Variants in DLG1 observed in about 807,000 individuals in gnomAD.
The protein encoded by DLG1 is discs large MAGUK scaffold protein 1.
In DLG1, 42 loss-of-function variants were observed where a neutral mutation model predicts 123.4. The ratio of observed to expected loss-of-function variants is 0.34; its 90% CI spans 0.27 to 0.44. The LOEUF (loss-of-function observed/expected upper bound fraction) is 0.44. Ranked by LOEUF, DLG1 falls within the 20% of genes least tolerant of loss-of-function variation. The pLI, the probability that DLG1 is intolerant of heterozygous loss-of-function variation, is 1.00. For synonymous variants in DLG1, 317 were observed against 356.2 expected, an observed-to-expected ratio of 0.89 and a Z score of 1.24; for missense variants, 942 against 1,082.6, an observed-to-expected ratio of 0.87 and a Z score of 1.82.
chr3:197,063,809 T>TCCA (rs1352730282), intron 22 of DLG1, among the ~76,000 whole-genome samples: 1 of 152,200 alleles, frequency 6.6e-6, no homozygotes, highest in African/African-American at 2.4e-5. Flanking sequence ...AGTACCAGTT[T>TCCA]GCATTTCCAC....
intron 4 of DLG1, among the ~76,000 whole-genome samples, chr3:197,229,454 T>TA (rs35520172): frequency 0.21 from 25,854 of 121,284 alleles, 2,740 homozygotes; most frequent in Admixed American, 0.24. Context: ...GCCTGTCTCT[T>TA]AAAAAAAAAA....
intron 14 of DLG1, among the ~76,000 whole-genome samples, chr3:197,097,824 C>T (rs974065690): frequency 6.7e-6 from 1 of 150,002 alleles, no homozygotes. Flanking sequence ...TTGTGAGTCG[C>T]CCACCTCAGC....
rs1342556359 is a variant in DLG1 at position 197,282,754 on chromosome 3, A to G, written c.243T>C (p.Thr81=). 1.2e-6 allele frequency: 2 copies of G among 1,612,622 alleles called. No homozygotes were observed. Among genetic ancestry groups the G allele is most frequent in the Admixed American group, 1.7e-5 (1 of 59,760 alleles). Residue 81 remains threonine (T), a synonymous_variant, in exon 4 of 25, where the codon ACT becomes ACC. Transcript: ENST00000667157. ...KPSEPIQPVN[T]WEISSLPSST... ...AGCTTGGAAGGCTGGAAATCTCCCAAGTATTCACAGGTTGAATTGGTTCAG... is the reference window on the plus strand; with the variant it reads ...AGCTTGGAAGGCTGGAAATCTCCCAGGTATTCACAGGTTGAATTGGTTCAG...
At chr3:197,162,893 T>C (rs895987818) in intron 5 of DLG1, among the ~76,000 whole-genome samples, 6 of 152,174 alleles carry the variant, frequency 3.9e-5, no homozygotes, top group Admixed American at 2.6e-4. Flanking sequence ...CCAAAGGGCA[T>C]TACCAAGCAA....
chr3:197,288,114 C>T (rs1579413919), intron 3 of DLG1, among the ~76,000 whole-genome samples: 1 of 151,898 alleles, frequency 6.6e-6, no homozygotes, highest in African/African-American at 2.4e-5. Flanking sequence ...ACCTGTAATC[C>T]CAGCACTTTG....
chr3:197,205,464 A>C (rs546882834), intron 4 of DLG1, among the ~76,000 whole-genome samples: 28 of 152,230 alleles, frequency 1.8e-4, no homozygotes, highest in Non-Finnish European at 3.5e-4. Context: ...CATTCCAAAA[A>C]TGTCAGAATA....
intron 6 of DLG1, among the ~76,000 whole-genome samples, chr3:197,147,308 T>C (rs1049919247): frequency 4.6e-5 from 7 of 152,004 alleles, no homozygotes; most frequent in Admixed American, 1.3e-4. Flanking sequence ...CAGAGGAAAA[T>C]AAGTCATTAT....
chr3:197,104,772 G>A (rs2149309009), intron 14 of DLG1, 131 bp downstream of exon 14: 1 of 667,894 alleles, frequency 1.5e-6, no homozygotes, highest in Non-Finnish European at 2.6e-6. Context: ...AACAAATACT[G>A]GATTAGCAAA....
chr3:197,139,232 CAA>C (rs879438278), intron 8 of DLG1, among the ~76,000 whole-genome samples: 16 of 152,114 alleles, frequency 1.1e-4, no homozygotes, highest in Admixed American at 9.8e-4. Context: ...AGAGGGTAAA[CAA>C]AACATAATTA....
chr3:197,114,823 CA>C (rs554931751), intron 13 of DLG1, among the ~76,000 whole-genome samples: 172 of 151,640 alleles, frequency 1.1e-3, no homozygotes, highest in African/African-American at 3.3e-3. Context: ...TCTAAAAATA[CA>C]AAAAAATTAG....
chr3:197,276,892 C>CA (rs1025159695), intron 4 of DLG1, among the ~76,000 whole-genome samples: 1 of 151,096 alleles, frequency 6.6e-6, no homozygotes, highest in Non-Finnish European at 1.5e-5. Flanking sequence ...TAATTTTTAA[C>CA]TTTTTTTTTC....
At chr3:197,087,242 A>G (rs191003271) in intron 15 of DLG1, among the ~76,000 whole-genome samples, 6 of 151,550 alleles carry the variant, frequency 4.0e-5, no homozygotes, top group East Asian at 1.9e-4. Flanking sequence ...GTTTTATCAT[A>G]TAATATGTGA....
intron 4 of DLG1, among the ~76,000 whole-genome samples, chr3:197,270,930 T>C (rs529952652): frequency 1.3e-4 from 20 of 151,898 alleles, no homozygotes; most frequent in Non-Finnish European, 2.2e-4. Context: ...AGGAAACAAA[T>C]GAGACAAATA....
rs527397700 is a variant in DLG1 at position 197,178,736 on chromosome 3, A to G, written c.483+15689T>C. Among the ~76,000 whole-genome samples, 4 of 152,316 alleles carry G rather than the reference A, an allele frequency of 2.6e-5. No individual in the cohort carries two copies. In the South Asian group the frequency reaches 8.3e-4, roughly 32 times the overall value. ...TACTATCCACGAGTCAAAGGAGAAA[A>G]AAGAATTTAGAGGAGGGAGTAATCA... is the stretch of plus-strand genomic sequence containing the variant. On this transcript the variant is annotated intron_variant, in intron 5 of 24. Coordinates refer to ENST00000667157, the MANE Select transcript of DLG1 (RefSeq NM_001366207.1).
intron 23 of DLG1, among the ~76,000 whole-genome samples, chr3:197,053,271 C>T (rs1729216794): frequency 6.6e-6 from 1 of 152,216 alleles, no homozygotes; most frequent in Admixed American, 6.5e-5. Flanking sequence ...TCATCCCACC[C>T]TACAAAATTC....
intron 5 of DLG1, among the ~76,000 whole-genome samples, chr3:197,158,643 A>G (rs1021416948): frequency 5.7e-5 from 7 of 122,710 alleles, no homozygotes. Context: ...TCAAAAAAAA[A>G]AAAAAAAAAA....
At chr3:197,086,168 C>A (rs576678519) in intron 15 of DLG1, among the ~76,000 whole-genome samples, 2 of 152,214 alleles carry the variant, frequency 1.3e-5, no homozygotes, top group African/African-American at 4.8e-5. Context: ...TAGTTGTGGA[C>A]TGTACGACTA....
chr3:197,297,059 T>C (rs1311053264), intron 2 of DLG1, 127 bp downstream of exon 2: 1 of 997,674 alleles, frequency 1.0e-6, no homozygotes, highest in Non-Finnish European at 1.6e-6. Context: ...TTAGATTCCC[T>C]AAGCAATAAA....
In DLG1 at chr3:197,282,730, G is replaced by C. The variant is rs1769980938; in HGVS notation, c.267C>G (p.Ser89Arg). The C allele has an allele frequency of 1.2e-6, 2 of 1,612,216 alleles. No homozygotes were observed. The highest frequency in any genetic ancestry group is 1.3e-5 in the African/African-American group (1 of 74,880). Residue 89 changes from serine to arginine, a missense_variant, in exon 4 of 25, where the codon AGC becomes AGG. Ser to Arg is a moderately radical substitution (Grantham distance 110). Transcript: ENST00000667157. Reference protein sequence around the residue: ...VNTWEISSLPSSTVTSETLPS... With the variant: ...VNTWEISSLPRSTVTSETLPS... ...GCAGTGTCTCTGAAGTCACAGTAGAGCTTGGAAGGCTGGAAATCTCCCAAG... is the reference window on the plus strand; with the variant it reads ...GCAGTGTCTCTGAAGTCACAGTAGACCTTGGAAGGCTGGAAATCTCCCAAG...
Sources: gnomAD v4.1 joint callset for allele counts (sites outside exome capture counted in the v4.1 genomes callset) on GRCh38, gnomAD v4.1.1 for gene constraint, MANE v1.5 for transcripts, NCBI Gene and HGNC (gene_info 2026-07-23, HGNC 2026-07-21) for gene names.